Variants in CDKL4 observed in about 807,000 individuals in gnomAD.
CDKL4 encodes cyclin-dependent kinase-like 4.
A neutral mutation model predicts 42.0 loss-of-function variants in CDKL4; 44 were observed. The ratio of observed to expected loss-of-function variants is 1.05; its 90% confidence interval spans 0.82 to 1.35. The LOEUF is 1.35. Ranked by LOEUF, CDKL4 falls within the 40% of genes most tolerant of loss-of-function variation. CDKL4 has a pLI of 0.00. For synonymous variants in CDKL4, 120 were observed against 121.6 expected, an observed-to-expected ratio of 0.99 and a Z score of 0.09; for missense variants, 393 against 369.9, an observed-to-expected ratio of 1.06 and a Z score of -0.51.
intron 1 of CDKL4, among the ~76,000 whole-genome samples, chr2:39,234,942 G>C (rs1294735690): frequency 6.6e-6 from 1 of 150,574 alleles, no homozygotes; most frequent in Non-Finnish European, 1.5e-5. Flanking sequence ...AATCTAAAGT[G>C]CAGTGGTGCA....
At chr2:39,208,189 C>G (rs973960113) in intron 4 of CDKL4, among the ~76,000 whole-genome samples, 1 of 151,358 alleles carries the variant, frequency 6.6e-6, no homozygotes, top group African/African-American at 2.5e-5. Context: ...GAAGAAGATG[C>G]TTAGACATAC....
intron 3 of CDKL4, among the ~76,000 whole-genome samples, chr2:39,224,039 A>G (rs1678542260): frequency 6.6e-6 from 1 of 152,212 alleles, no homozygotes; most frequent in South Asian, 2.1e-4. Context: ...TTTTTTGAAT[A>G]AATATATTTA....
chr2:39,245,018 T>G (rs1679851679), upstream of CDKL4, among the ~76,000 whole-genome samples: 1 of 152,166 alleles, frequency 6.6e-6, no homozygotes, highest in Non-Finnish European at 1.5e-5. Flanking sequence ...GTCAGCACCC[T>G]GTCAAAACAG....
intron 3 of CDKL4, among the ~76,000 whole-genome samples, chr2:39,217,895 A>T (rs1678033130): frequency 6.6e-6 from 1 of 152,018 alleles, no homozygotes; most frequent in African/African-American, 2.4e-5. Flanking sequence ...CATCACACTC[A>T]GCTAACTTTG....
intron 7 of CDKL4, among the ~76,000 whole-genome samples, chr2:39,186,416 G>T (rs1189393490): frequency 6.6e-6 from 1 of 152,184 alleles, no homozygotes; most frequent in African/African-American, 2.4e-5. Context: ...CATAGTTGGA[G>T]TGTGGACACA....
chr2:39,240,148 G>A (rs985121966), intron 1 of CDKL4, among the ~76,000 whole-genome samples: 3 of 151,358 alleles, frequency 2.0e-5, no homozygotes, highest in Non-Finnish European at 2.9e-5. Context: ...GGTGGCTCAC[G>A]CCTGTAATCC....
chr2:39,170,597 C>T, the CDKL4 span, among the ~76,000 whole-genome samples: 1 of 152,054 alleles, frequency 6.6e-6, no homozygotes, highest in Non-Finnish European at 1.5e-5. Flanking sequence ...GCTGGGATTA[C>T]AGGCGCCCGC....
In CDKL4 at chr2:39,189,166, C is replaced by A. The variant is rs889564324; in HGVS notation, c.652+1139G>T. Among the ~76,000 whole-genome samples, 3 of 152,204 alleles carry A rather than the reference C, an allele frequency of 2.0e-5. No individual in the cohort carries two copies. The East Asian group carries it at 5.8e-4, about 29-fold the overall frequency. On this transcript the variant is annotated intron_variant, in intron 6 of 9. Coordinates refer to ENST00000451199, the Ensembl canonical transcript of CDKL4. The stretch of plus-strand genomic sequence containing the variant: ...ACTGACCAGGGAACTGTCCAGCAGC[C>A]ATGCTGCCAGGAGAGCCTGTGGGAA...
intron 5 of CDKL4, among the ~76,000 whole-genome samples, chr2:39,197,516 T>C (rs886279398): frequency 1.2e-4 from 18 of 152,098 alleles, no homozygotes; most frequent in African/African-American, 3.6e-4. Context: ...TGCAAAAAGA[T>C]CATCGCCTAG....
At chr2:39,209,146 A>AAT in intron 4 of CDKL4, among the ~76,000 whole-genome samples, 1 of 150,926 alleles carries the variant, frequency 6.6e-6, no homozygotes, top group African/African-American at 2.4e-5. Flanking sequence ...AAAAAAAAAA[A>AAT]AAAATTTTTT....
At chr2:39,226,806 G>A (rs1275516214) in intron 2 of CDKL4, among the ~76,000 whole-genome samples, 2 of 150,872 alleles carry the variant, frequency 1.3e-5, no homozygotes, top group African/African-American at 2.4e-5. Context: ...TTGCTCTGTC[G>A]CCCAGGCTGA....
intron 3 of CDKL4, among the ~76,000 whole-genome samples, chr2:39,214,120 G>T (rs1023392385): frequency 4.0e-5 from 6 of 151,890 alleles, no homozygotes; most frequent in Non-Finnish European, 7.4e-5. Context: ...ACGGGGTTTT[G>T]TCATGTTGGC....
chr2:39,199,463 A>C (rs1415889653), intron 5 of CDKL4, among the ~76,000 whole-genome samples: 1 of 152,194 alleles, frequency 6.6e-6, no homozygotes. Flanking sequence ...AGACAGAGAA[A>C]GGGAATCCTC....
upstream of CDKL4, among the ~76,000 whole-genome samples, chr2:39,244,359 C>G (rs549242482): frequency 3.0e-4 from 46 of 152,334 alleles, no homozygotes; most frequent in African/African-American, 1.1e-3. Flanking sequence ...TGGCGGGCCC[C>G]GCACTCTGAG....
chr2:39,168,235 G>A, the CDKL4 span, among the ~76,000 whole-genome samples: 4 of 152,094 alleles, frequency 2.6e-5, no homozygotes, highest in Non-Finnish European at 5.9e-5. Flanking sequence ...CAAGTGATTT[G>A]AAATATACCT....
chr2:39,175,838 C>A, exon 10 of CDKL4: 5 of 144,682 alleles, frequency 3.5e-5, no homozygotes, highest in Admixed American at 1.6e-4. Context: ...GCATGTAAAA[C>A]ATGGGGAAAG....
At chr2:39,205,400 C>A (rs1025344754) in intron 4 of CDKL4, among the ~76,000 whole-genome samples, 1 of 151,908 alleles carries the variant, frequency 6.6e-6, no homozygotes, top group African/African-American at 2.4e-5. Flanking sequence ...TAACAAAAAG[C>A]AAAATTCACT....
At chr2:39,242,379 A>T (rs573370426) in intron 1 of CDKL4, among the ~76,000 whole-genome samples, 1 of 152,140 alleles carries the variant, frequency 6.6e-6, no homozygotes, top group Non-Finnish European at 1.5e-5. Context: ...TTGACCTTCA[A>T]ACTGAAGCTT....
At chr2:39,189,583 G>A (rs73930536) in intron 6 of CDKL4, among the ~76,000 whole-genome samples, 2,566 of 152,286 alleles carry the variant, frequency 0.017, 85 homozygotes, top group African/African-American at 0.058. Context: ...CAGACTCTTA[G>A]GATCTCGGGC....
Sources: gnomAD v4.1 joint callset for allele counts (sites outside exome capture counted in the v4.1 genomes callset) on GRCh38, gnomAD v4.1.1 for gene constraint, MANE v1.5 for transcripts, NCBI Gene and HGNC (gene_info 2026-07-23, HGNC 2026-07-21) for gene names.